The following THADA variants were observed in gnomAD, a reference collection of about 807,000 sequenced individuals.
The protein encoded by THADA is THADA armadillo repeat containing.
A neutral mutation model predicts 219.8 loss-of-function variants in THADA; 213 were observed. The ratio of observed to expected loss-of-function variants is 0.97; its 90% CI spans 0.87 to 1.09. THADA has a LOEUF of 1.09. Ranked by LOEUF, THADA falls within the 50% of genes least tolerant of loss-of-function variation. THADA has a pLI of 0.00. For missense variants in THADA, 2,956 were observed against 2,311.3 expected (o/e 1.28, Z -5.72); for synonymous variants, 1,018 against 828.9 (o/e 1.23, Z -3.92).
intron 30 of THADA, among the ~76,000 whole-genome samples, chr2:43,332,501 AAACCATTGTCTTGT>A (rs1469548166): frequency 1.3e-5 from 2 of 152,346 alleles, no homozygotes; most frequent in Admixed American, 1.3e-4. Context: ...CACTGTGCCT[AAACCATTGTCTTGT>A]AATATTTGTG....
Position 43,419,604 on chromosome 2 carries a change from C to T in THADA, c.4058+8496G>A, listed in dbSNP as rs201960597. Among the ~76,000 whole-genome samples the T allele has an allele frequency of 2.6e-5, 4 of 152,252 alleles. No homozygotes were observed. The East Asian group carries it at 7.7e-4, about 29-fold the overall frequency. On this transcript the variant is annotated intron_variant, in intron 28 of 37. Coordinates refer to ENST00000405975, the MANE Select transcript of THADA (RefSeq NM_022065.5). ...TATTTTCTTCTGGAAGAAAAAAACA[C>T]ATTTTTGATCTAAAATGTTCTCTAC...
chr2:43,294,592 C>T (rs548771944), intron 31 of THADA, among the ~76,000 whole-genome samples: 1 of 152,162 alleles, frequency 6.6e-6, no homozygotes, highest in Non-Finnish European at 1.5e-5. Flanking sequence ...GCAGCTAGTT[C>T]TGTATGCAAC....
Position 43,514,675 on chromosome 2 carries a change from T to A in THADA, c.3375-5895A>T, listed in dbSNP as rs1488392695. 1.8e-3 allele frequency among the ~76,000 whole-genome samples: 152 copies of A among 85,088 alleles called. 25 individuals carry two copies. Among genetic ancestry groups the A allele is most frequent in the African/African-American group, 7.7e-3 (145 of 18,734 alleles). The allele number at this position is 85,088 out of a possible 152,430, so 55.8% of individuals were successfully genotyped here. On this transcript the variant is annotated intron_variant, in intron 22 of 37. Coordinates refer to ENST00000405975, the MANE Select transcript of THADA (RefSeq NM_022065.5). Reference sequence around the variant, plus strand: ...ATATATTGTATATAATAATATATAATATATTATATTATATATAATATATAT... The same window carrying A: ...ATATATTGTATATAATAATATATAAAATATTATATTATATATAATATATAT...
rs1701498315 is a variant in THADA, at chr2:43,590,963, C to T, written c.172-9G>A. The T allele has an allele frequency of 1.9e-6, 3 of 1,605,272 alleles. No homozygotes were observed. Among genetic ancestry groups the T allele is most frequent in the African/African-American group, 1.3e-5 (1 of 74,280 alleles). On this transcript the variant is annotated splice_polypyrimidine_tract_variant and intron_variant, in intron 3 of 37. Coordinates refer to ENST00000405975, the MANE Select transcript of THADA (RefSeq NM_022065.5). The stretch of plus-strand genomic sequence containing the variant: ...TCCAGCAGAGGCACAATCTATAATA[C>T]AAAACATTGAAGTAATTTTTATAAT...
intron 29 of THADA, among the ~76,000 whole-genome samples, chr2:43,353,222 G>C (rs1327699337): frequency 2.0e-5 from 3 of 152,102 alleles, no homozygotes. Context: ...TCTTATGATG[G>C]TTCTATTTGT....
intron 29 of THADA, among the ~76,000 whole-genome samples, chr2:43,348,481 G>A (rs1180977683): frequency 6.6e-6 from 1 of 152,220 alleles, no homozygotes; most frequent in Non-Finnish European, 1.5e-5. Context: ...AGAATGGGCA[G>A]AGAGCCCCTG....
chr2:43,358,087 T>C (rs1192597599), intron 29 of THADA, among the ~76,000 whole-genome samples: 1 of 151,940 alleles, frequency 6.6e-6, no homozygotes, highest in African/African-American at 2.4e-5. Flanking sequence ...GCTGTCACCA[T>C]TTTCTACACA....
rs1398106442 is a variant in THADA, at chr2:43,569,314, T to C, written c.2187+1074A>G. ...CAGCAAGGCTTTGTAGAGAGATATA[T>C]AGTTTACATCACTTCTCGGCCTTTT... On this transcript the variant is annotated intron_variant, in intron 14 of 37. Coordinates refer to ENST00000405975, the MANE Select transcript of THADA (RefSeq NM_022065.5). Among the ~76,000 whole-genome samples, 3 of 152,220 alleles carry C rather than the reference T, an allele frequency of 2.0e-5. No homozygotes were observed. The South Asian group carries it at 6.2e-4, about 31-fold the overall frequency.
intron 36 of THADA, among the ~76,000 whole-genome samples, chr2:43,256,479 G>A (rs1670324134): frequency 6.6e-6 from 1 of 151,892 alleles, no homozygotes; most frequent in Admixed American, 6.6e-5. Context: ...CATGATCACG[G>A]CTCACTGCAG....
intron 29 of THADA, among the ~76,000 whole-genome samples, chr2:43,363,517 T>C (rs1028725919): frequency 6.6e-6 from 1 of 152,232 alleles, no homozygotes; most frequent in African/African-American, 2.4e-5. Flanking sequence ...ATGAAAACTT[T>C]GTTTATTCAA....
At chr2:43,530,198 T>C (rs996409734) in intron 21 of THADA, among the ~76,000 whole-genome samples, 1 of 152,198 alleles carries the variant, frequency 6.6e-6, no homozygotes, top group Non-Finnish European at 1.5e-5. Flanking sequence ...TGACAGGTCA[T>C]GTTCTTCAGT....
At chr2:43,566,349 A>T in intron 15 of THADA, 1 of 595,970 alleles carries the variant, frequency 1.7e-6, no homozygotes, top group Non-Finnish European at 3.0e-6. Context: ...AATATAATAG[A>T]AGCTATTATT....
intron 29 of THADA, chr2:43,371,984 G>A (rs900726967): frequency 5.9e-5 from 9 of 152,108 alleles, no homozygotes; most frequent in African/African-American, 2.2e-4. Context: ...GATTTCTGAT[G>A]GTTGGGATAA....
chr2:43,359,172 C>A (rs778983301), intron 29 of THADA, among the ~76,000 whole-genome samples: 1 of 152,170 alleles, frequency 6.6e-6, no homozygotes, highest in African/African-American at 2.4e-5. Context: ...CTCTGTAGCC[C>A]TTATTGATAA....
At chr2:43,231,777 C>A (rs1667452390) in intron 37 of THADA, among the ~76,000 whole-genome samples, 1 of 152,150 alleles carries the variant, frequency 6.6e-6, no homozygotes, top group Non-Finnish European at 1.5e-5. Context: ...AGGCTGTGTC[C>A]TGTTTCTATA....
At position 43,501,166 on chromosome 2, in the gene THADA, C is replaced by G. The variant is rs190537814; in HGVS notation, c.3622-2211G>C. The stretch of plus-strand genomic sequence containing the variant: ...ACTAAAAATAAAAAAATTAGCTGGG[C>G]GTGGTGGTGCACGCCTGTAATCCCG... On this transcript the variant is annotated intron_variant, in intron 24 of 37. Transcript: ENST00000405975. 4.4e-3 allele frequency among the ~76,000 whole-genome samples: 670 copies of G among 151,162 alleles called. 4 individuals carry two copies. Among genetic ancestry groups the G allele is most frequent in the African/African-American group, 0.015 (638 of 41,286 alleles).
chr2:43,510,911 C>T (rs1190402026), intron 22 of THADA, among the ~76,000 whole-genome samples: 1 of 151,258 alleles, frequency 6.6e-6, no homozygotes, highest in East Asian at 1.9e-4. Context: ...GCAGAGACTG[C>T]AGCGAGCCAA....
chr2:43,460,403 T>C (rs6746058), intron 26 of THADA, among the ~76,000 whole-genome samples: 16,997 of 152,030 alleles, frequency 0.11, 1,093 homozygotes, highest in African/African-American at 0.17. Flanking sequence ...CATGCAAAGA[T>C]TTGGAAAATA....
At chr2:43,569,956 C>T (rs1699111360) in intron 14 of THADA, among the ~76,000 whole-genome samples, 1 of 152,180 alleles carries the variant, frequency 6.6e-6, no homozygotes, top group African/African-American at 2.4e-5. Context: ...GTGACACAGA[C>T]AGCAAGCTCC....
Sources: gnomAD v4.1 joint callset for allele counts (sites outside exome capture counted in the v4.1 genomes callset) on GRCh38, gnomAD v4.1.1 for gene constraint, MANE v1.5 for transcripts, NCBI Gene and HGNC (gene_info 2026-07-23, HGNC 2026-07-21) for gene names.